TENM4: variants seen among roughly 807,000 people sequenced by gnomAD.
TENM4 encodes the protein teneurin transmembrane protein 4.
Under a neutral mutation model 243.3 loss-of-function variants are expected in TENM4, and 82 were observed. That is an observed-to-expected ratio of 0.34 (90% CI 0.28 to 0.40). The LOEUF is 0.40. TENM4 is among the 10% of genes least tolerant of loss of function. The pLI is 1.00. For missense variants in TENM4, 3,138 were observed against 3,673.3 expected (o/e 0.85, Z 3.77); for synonymous variants, 1,412 against 1,456.3 (o/e 0.97, Z 0.69).
At chr11:79,294,212 A>G (rs1236029863) in intron 2 of TENM4, among the ~76,000 whole-genome samples, 4 of 152,350 alleles carry the variant, frequency 2.6e-5, no homozygotes, top group African/African-American at 9.6e-5. Context: ...CTACAATTAC[A>G]GCTACTAATG....
intron 4 of TENM4, among the ~76,000 whole-genome samples, chr11:79,074,082 G>A (rs906548966): frequency 1.3e-5 from 2 of 152,174 alleles, no homozygotes; most frequent in Non-Finnish European, 2.9e-5. Context: ...CACACCTAAC[G>A]CACAGCTTCC....
At position 78,672,162 on chromosome 11, in the gene TENM4, G is replaced by A; in HGVS notation, c.5664C>T (p.Ser1888=). The A allele has an allele frequency of 6.2e-7, 1 of 1,613,872 alleles. No homozygotes were observed. The highest frequency in any genetic ancestry group is 8.5e-7 in the Non-Finnish European group (1 of 1,179,864). Residue 1888 remains serine (S), a synonymous_variant, in exon 31 of 34, where the codon TCC becomes TCT. Coordinates refer to ENST00000278550, the MANE Select transcript of TENM4 (RefSeq NM_001098816.3). Reference sequence around the variant, plus strand: ...GGATGCCAGCAATGTAACCCCCAGGGGAGTATGTCACGTTGACACCATTCA... The same window carrying A: ...GGATGCCAGCAATGTAACCCCCAGGAGAGTATGTCACGTTGACACCATTCA... ...SRLNGVNVTY[S]PGGYIAGIQR... is the part of the protein sequence containing the mutation.
chr11:78,751,733 C>T (rs1050369260), intron 19 of TENM4, among the ~76,000 whole-genome samples: 17 of 152,158 alleles, frequency 1.1e-4, no homozygotes, highest in African/African-American at 2.4e-4. Context: ...CACCCAACAA[C>T]GGGAAACAGC....
In TENM4 at chr11:79,333,074, A is replaced by G. The variant is rs1175297512; in HGVS notation, c.-320-35531T>C. Among the ~76,000 whole-genome samples, 4 of 152,252 alleles carry G rather than the reference A, an allele frequency of 2.6e-5. No homozygotes were observed. The South Asian group carries it at 6.2e-4, about 24-fold the overall frequency. On this transcript the variant is annotated intron_variant, in intron 1 of 33. Coordinates refer to ENST00000278550, the MANE Select transcript of TENM4 (RefSeq NM_001098816.3). ...GTGTTCAGTCCTTACCATACTTTTT[A>G]TCACTGAATCCCTAGAAGAGCATAA... is the stretch of plus-strand genomic sequence containing the variant.
rs1354067532 is a variant in TENM4 at position 79,438,418 on chromosome 11, C to G, written c.-321+2091G>C. Reference sequence around the variant, plus strand: ...GAGAGGCGAAGGAACGGAAGCCATACCCGACCCCAGCCCCATCCCGTCCCC... The same window carrying G: ...GAGAGGCGAAGGAACGGAAGCCATAGCCGACCCCAGCCCCATCCCGTCCCC... On this transcript the variant is annotated intron_variant, in intron 1 of 33. Transcript: ENST00000278550. This position sits in a 1 kb window ranked among gnomAD's most constrained non-coding sequence, Gnocchi z 4.1. 2.6e-5 allele frequency among the ~76,000 whole-genome samples: 4 copies of G among 152,306 alleles called. No homozygotes were observed. Among genetic ancestry groups the G allele is most frequent in the Non-Finnish European group, 5.9e-5 (4 of 68,030 alleles).
At chr11:79,223,151 T>C (rs1302665090) in intron 2 of TENM4, among the ~76,000 whole-genome samples, 3 of 150,726 alleles carry the variant, frequency 2.0e-5, no homozygotes, top group African/African-American at 7.3e-5. Context: ...AAATTAAATA[T>C]AGAAAAAAAA....
chr11:79,042,943 C>A (rs185896882), intron 6 of TENM4, among the ~76,000 whole-genome samples: 47 of 152,286 alleles, frequency 3.1e-4, no homozygotes, highest in African/African-American at 1.1e-3. Context: ...GAATAAGGTT[C>A]CAACACCTAC....
chr11:78,872,384 C>T (rs71471424), intron 9 of TENM4, among the ~76,000 whole-genome samples: 116 of 152,308 alleles, frequency 7.6e-4, no homozygotes, highest in Admixed American at 2.5e-3. Flanking sequence ...ATCACTGAAC[C>T]CAAAGGATCT....
chr11:79,049,775 G>T (rs2136932874), intron 6 of TENM4, among the ~76,000 whole-genome samples: 1 of 152,336 alleles, frequency 6.6e-6, no homozygotes, highest in Non-Finnish European at 1.5e-5. Context: ...AACACTTGGG[G>T]CCCTGAGTCT....
intron 1 of TENM4, among the ~76,000 whole-genome samples, chr11:79,367,710 T>C (rs1370586761): frequency 6.6e-6 from 1 of 152,230 alleles, no homozygotes; most frequent in East Asian, 1.9e-4. Flanking sequence ...AGAGCAGTTT[T>C]ATCATCATTT....
At chr11:79,077,901 C>T (rs944543070) in intron 4 of TENM4, among the ~76,000 whole-genome samples, 3 of 152,176 alleles carry the variant, frequency 2.0e-5, no homozygotes, top group African/African-American at 7.2e-5. Context: ...GGCCCTGCTG[C>T]CTTGGGAGGC....
chr11:79,157,100 G>T (rs1255795592), intron 3 of TENM4, among the ~76,000 whole-genome samples: 1 of 152,182 alleles, frequency 6.6e-6, no homozygotes, highest in African/African-American at 2.4e-5. Flanking sequence ...GGAAATTGTA[G>T]TCAGAGAGGA....
At position 79,150,371 on chromosome 11, in the gene TENM4, A is replaced by G. The variant is rs1862480307; in HGVS notation, c.-162-1565T>C. On this transcript the variant is annotated intron_variant, in intron 3 of 33. Coordinates refer to ENST00000278550, the MANE Select transcript of TENM4 (RefSeq NM_001098816.3). ...GGGGAGAGTGATGTTTATGTCTATC[A>G]AAGCAGGCATGAGTTTAGAAAGGTC... Among the ~76,000 whole-genome samples the G allele has an allele frequency of 3.9e-5, 6 of 152,262 alleles. No individual in the cohort carries two copies. The South Asian group carries it at 1.2e-3, about 32-fold the overall frequency.
chr11:78,777,242 T>C (rs1382326678), intron 17 of TENM4, among the ~76,000 whole-genome samples: 1 of 152,218 alleles, frequency 6.6e-6, no homozygotes, highest in Non-Finnish European at 1.5e-5. Context: ...GCTGGAATGA[T>C]TTTATTGTCA....
chr11:78,964,057 T>C (rs1434508947), intron 6 of TENM4, among the ~76,000 whole-genome samples: 49 of 134,442 alleles, frequency 3.6e-4, no homozygotes, highest in Middle Eastern at 4.0e-3. Context: ...TTTTTTTTTT[T>C]CCCCTAGATG....
chr11:79,026,672 A>T (rs1017289677), intron 6 of TENM4, among the ~76,000 whole-genome samples: 1 of 152,178 alleles, frequency 6.6e-6, no homozygotes. Context: ...CACAGCAACC[A>T]AGAAAGGGTA....
chr11:78,666,825 C>A (rs1397651400), intron 32 of TENM4, among the ~76,000 whole-genome samples: 2 of 152,180 alleles, frequency 1.3e-5, no homozygotes, highest in Non-Finnish European at 2.9e-5. Flanking sequence ...GAGAGCATAT[C>A]TGCCAAGTGC....
At chr11:79,013,850 C>A (rs562357165) in intron 6 of TENM4, among the ~76,000 whole-genome samples, 1 of 152,216 alleles carries the variant, frequency 6.6e-6, no homozygotes, top group Non-Finnish European at 1.5e-5. Context: ...CCCAGGCCCC[C>A]GCAGTGGCCC....
chr11:79,386,168 G>A (rs553682), intron 1 of TENM4, among the ~76,000 whole-genome samples: 76,713 of 152,024 alleles, frequency 0.5, 19,508 homozygotes, highest in East Asian at 0.56. Context: ...CGTGGGGAAA[G>A]AGTGGTCTTT....
Sources: gnomAD v4.1 joint callset for allele counts (sites outside exome capture counted in the v4.1 genomes callset) on GRCh38, gnomAD v4.1.1 for gene constraint, Gnocchi (gnomAD v3.1) non-coding constraint, MANE v1.5 for transcripts, NCBI Gene and HGNC (gene_info 2026-07-23, HGNC 2026-07-21) for gene names.